Variants in ARHGAP11B observed in about 807,000 individuals in gnomAD.
The protein encoded by ARHGAP11B is inactive Rho GTPase-activating protein 11B.
Under a neutral mutation model 27.6 loss-of-function variants are expected in ARHGAP11B, and 14 were observed. The ratio of observed to expected loss-of-function variants is 0.51; its 90% confidence interval spans 0.34 to 0.79. The LOEUF is 0.79. ARHGAP11B is among the 30% of genes least tolerant of loss of function. The pLI is 0.02. For synonymous variants in ARHGAP11B, 82 were observed against 114.1 expected (o/e 0.72, Z 1.80); for missense variants, 245 against 320.1 (o/e 0.77, Z 1.79).
chr15:30,641,772 A>G (rs1258188722), intron 7 of ARHGAP11B, among the ~76,000 whole-genome samples: 38 of 151,902 alleles, frequency 2.5e-4, no homozygotes, highest in Non-Finnish European at 4.4e-5. Flanking sequence ...GCTGGAGTAC[A>G]GTGGCATGAT....
chr15:30,630,896 A>G, intron 2 of ARHGAP11B, 123 bp downstream of exon 2: 1 of 1,544,686 alleles, frequency 6.5e-7, no homozygotes, highest in South Asian at 1.2e-5. Context: ...CCTGGGCAAC[A>G]TGGTGAGACC....
Position 30,645,381 on chromosome 15 carries a change from T to C in ARHGAP11B, c.*142+679T>C, listed in dbSNP as rs113023586. On this transcript the variant is annotated intron_variant, in intron 8 of 10. Coordinates refer to ENST00000428041, the Ensembl canonical transcript of ARHGAP11B. ...TAAGGGTTTGTATCAGTCAACCTAA[T>C]TACCGATAAAAACAACCAAAAAAAC... Among the ~76,000 whole-genome samples, 1,160 of 152,070 alleles carry C rather than the reference T, an allele frequency of 7.6e-3. 17 individuals carry two copies. The highest frequency in any genetic ancestry group is 0.027 in the African/African-American group (1,109 of 41,512).
At chr15:30,626,785 C>T (rs1170326986) in exon 1 of ARHGAP11B, 1 of 1,608,410 alleles carries the variant, frequency 6.2e-7, no homozygotes, top group Admixed American at 1.7e-5. Flanking sequence ...AGGGTCAGGA[C>T]CTGCATCCTG....
chr15:30,647,189 C>T (rs2060355229), intron 9 of ARHGAP11B, among the ~76,000 whole-genome samples: 1 of 151,646 alleles, frequency 6.6e-6, no homozygotes, highest in South Asian at 2.1e-4. Flanking sequence ...CAATCTTGGT[C>T]CATTGGTAAG....
chr15:30,635,099 G>C (rs753750672), exon 5 of ARHGAP11B: 33 of 1,613,334 alleles, frequency 2.0e-5, no homozygotes, highest in Non-Finnish European at 7.6e-6. Flanking sequence ...GAATAAGATG[G>C]ATAGCAGCAA....
chr15:30,642,123 A>G (rs2060319554), intron 7 of ARHGAP11B, among the ~76,000 whole-genome samples: 1 of 151,938 alleles, frequency 6.6e-6, no homozygotes, highest in Non-Finnish European at 1.5e-5. Context: ...AATGCACCCA[A>G]AAGTTTCTAA....
intron 1 of ARHGAP11B, among the ~76,000 whole-genome samples, chr15:30,629,078 AT>A (rs979919757): frequency 6.6e-6 from 1 of 152,034 alleles, no homozygotes; most frequent in African/African-American, 2.4e-5. Context: ...ATTAACAAAT[AT>A]TTTTTGAATG....
At position 30,636,703 on chromosome 15, in the gene ARHGAP11B, T is replaced by C. The variant is rs185008874; in HGVS notation, c.*3+1070T>C. Among the ~76,000 whole-genome samples, 703 of 152,282 alleles carry C rather than the reference T, an allele frequency of 4.6e-3. 7 individuals carry two copies. The highest frequency in any genetic ancestry group is 0.016 in the African/African-American group (683 of 41,580). ...AGGCCAGAAGTCTGAAATCAAGGTG[T>C]TGGCAGAATGCCTGAAACCTGCAGG... On this transcript the variant is annotated intron_variant, in intron 6 of 10. Transcript: ENST00000428041.
At chr15:30,641,900 A>G (rs536485477) in intron 7 of ARHGAP11B, among the ~76,000 whole-genome samples, 2 of 151,822 alleles carry the variant, frequency 1.3e-5, no homozygotes, top group Non-Finnish European at 2.9e-5. Flanking sequence ...TATTTTTAGT[A>G]GAGATGGGAT....
chr15:30,626,795 G>C, exon 1 of ARHGAP11B: 1 of 1,612,586 alleles, frequency 6.2e-7, no homozygotes, highest in African/African-American at 1.3e-5. Flanking sequence ...CCTGCATCCT[G>C]CCTCAGAGTT....
At chr15:30,644,880 C>T (rs185839682) in intron 8 of ARHGAP11B, among the ~76,000 whole-genome samples, 1 of 152,146 alleles carries the variant, frequency 6.6e-6, no homozygotes. Context: ...TTCATTTGTG[C>T]CAGCTGTTGA....
At chr15:30,637,549 A>G (rs932017234) in intron 6 of ARHGAP11B, among the ~76,000 whole-genome samples, 6 of 152,014 alleles carry the variant, frequency 3.9e-5, no homozygotes, top group African/African-American at 1.4e-4. Flanking sequence ...CCTGGCTAAC[A>G]CAGTGAAACC....
chr15:30,640,563 T>A (rs2060309361), intron 7 of ARHGAP11B, among the ~76,000 whole-genome samples: 1 of 151,496 alleles, frequency 6.6e-6, no homozygotes, highest in Admixed American at 6.6e-5. Flanking sequence ...CCATCTCATT[T>A]ATCTTACATT....
chr15:30,629,122 T>G (rs1373412249), intron 1 of ARHGAP11B, among the ~76,000 whole-genome samples: 1 of 152,092 alleles, frequency 6.6e-6, no homozygotes, highest in African/African-American at 2.4e-5. Context: ...TACAAGTGTT[T>G]TGTATGTTTT....
chr15:30,626,796 C>T, exon 1 of ARHGAP11B: 1 of 1,612,570 alleles, frequency 6.2e-7, no homozygotes, highest in South Asian at 1.1e-5. Flanking sequence ...CTGCATCCTG[C>T]CTCAGAGTTA....
intron 7 of ARHGAP11B, among the ~76,000 whole-genome samples, chr15:30,640,724 T>A (rs2060310282): frequency 6.6e-6 from 1 of 151,918 alleles, no homozygotes; most frequent in South Asian, 2.1e-4. Context: ...AGGGTTCTTA[T>A]TTGTTTTATT....
chr15:30,626,639 TGTGA>T (rs1351421392), exon 1 of ARHGAP11B: 1 of 763,810 alleles, frequency 1.3e-6, no homozygotes, highest in Admixed American at 3.0e-5. Context: ...TGTAAGTGGA[TGTGA>T]GTGAGGATCA....
chr15:30,630,708 A>G (rs370160982), exon 2 of ARHGAP11B: 55 of 1,605,910 alleles, frequency 3.4e-5, no homozygotes, highest in Non-Finnish European at 4.7e-5. Flanking sequence ...TTTAGGGTAA[A>G]ATATTTGGAG....
At chr15:30,631,353 CT>C (rs59873709) in intron 2 of ARHGAP11B, among the ~76,000 whole-genome samples, 11 of 151,490 alleles carry the variant, frequency 7.3e-5, no homozygotes, top group African/African-American at 2.7e-4. Flanking sequence ...ATAATTTTGC[CT>C]TTTTTTTGTT....
Sources: allele counts gnomAD v4.1 joint callset (sites outside exome capture counted in the v4.1 genomes callset), GRCh38; gene constraint gnomAD v4.1.1; transcripts MANE v1.5; gene names NCBI Gene and HGNC (gene_info 2026-07-23, HGNC 2026-07-21).